The following NBAS variants were observed in gnomAD, a reference collection of about 807,000 sequenced individuals.
NBAS encodes the protein NBAS subunit of NRZ tethering complex, also known as NAG/BC035112 fusion.
NBAS carries 219 observed loss-of-function variants against 302.5 expected under a neutral mutation model. The observed-to-expected ratio is 0.72, with a 90% CI of 0.65 to 0.81. The LOEUF is 0.81. NBAS is among the 30% of genes least tolerant of loss of function. NBAS has a pLI of 0.00. For missense variants in NBAS, 2,932 were observed against 2,841.6 expected (o/e 1.03, Z -0.72); for synonymous variants, 1,118 against 1,021.6 (o/e 1.09, Z -1.80).
the NBAS span, among the ~76,000 whole-genome samples, chr2:14,849,035 G>A: frequency 6.6e-6 from 1 of 151,212 alleles, no homozygotes; most frequent in South Asian, 2.1e-4. Flanking sequence ...TCTTCCAAAG[G>A]AACGCAGTTC....
chr2:15,098,473 A>AATGTT, the NBAS span, among the ~76,000 whole-genome samples: 1 of 77,980 alleles, frequency 1.3e-5, no homozygotes, highest in African/African-American at 7.0e-5. Context: ...TATTGTATAT[A>AATGTT]ATATGTTATA....
the NBAS span, among the ~76,000 whole-genome samples, chr2:14,936,913 C>A: frequency 1.3e-5 from 2 of 152,128 alleles, no homozygotes; most frequent in Non-Finnish European, 2.9e-5. Context: ...AGGAGACTAC[C>A]TTTTGGAGAA....
the NBAS span, among the ~76,000 whole-genome samples, chr2:15,002,184 A>G: frequency 6.6e-6 from 1 of 152,040 alleles, no homozygotes; most frequent in Non-Finnish European, 1.5e-5. Flanking sequence ...ACAAACCCTG[A>G]GATAGACACA....
the NBAS span, among the ~76,000 whole-genome samples, chr2:15,147,624 G>A: frequency 6.6e-6 from 1 of 151,936 alleles, no homozygotes; most frequent in African/African-American, 2.4e-5. Flanking sequence ...ATTAAAAAAA[G>A]AGATGTTCCA....
the NBAS span, among the ~76,000 whole-genome samples, chr2:14,945,157 G>C: frequency 6.6e-6 from 1 of 152,182 alleles, no homozygotes; most frequent in Non-Finnish European, 1.5e-5. Flanking sequence ...GTTTCCAGCA[G>C]TGCAAGAATA....
chr2:15,111,352 T>A, the NBAS span, among the ~76,000 whole-genome samples: 2 of 152,060 alleles, frequency 1.3e-5, no homozygotes, highest in African/African-American at 4.8e-5. Context: ...ACCCCATGAA[T>A]CCCACATTGG....
chr2:15,019,672 A>T, the NBAS span, among the ~76,000 whole-genome samples: 1 of 152,098 alleles, frequency 6.6e-6, no homozygotes, highest in Non-Finnish European at 1.5e-5. Flanking sequence ...CTAACCACCA[A>T]TGTTATAATA....
the NBAS span, among the ~76,000 whole-genome samples, chr2:14,868,347 A>G: frequency 6.6e-6 from 1 of 152,182 alleles, no homozygotes; most frequent in African/African-American, 2.4e-5. Flanking sequence ...GGAAGTAATT[A>G]TTTTAATTTT....
intron 46 of NBAS, among the ~76,000 whole-genome samples, chr2:15,232,839 T>A (rs1339727536): frequency 6.6e-6 from 1 of 151,006 alleles, no homozygotes; most frequent in Non-Finnish European, 1.5e-5. Flanking sequence ...GTAATAATGA[T>A]TTAAATCCTC....
the NBAS span, among the ~76,000 whole-genome samples, chr2:15,105,624 G>A: frequency 2.6e-5 from 4 of 152,084 alleles, no homozygotes; most frequent in African/African-American, 4.8e-5. Flanking sequence ...AGAGCTCCCC[G>A]TGTGCCTGAG....
At chr2:15,178,901 T>A in intron 51 of NBAS, 87 bp downstream of exon 51, 1 of 1,567,926 alleles carries the variant, frequency 6.4e-7, no homozygotes, top group Non-Finnish European at 8.7e-7. Context: ...TTAACCACGG[T>A]GTTATTTATG....
At chr2:14,948,804 AAGGTGG>A in the NBAS span, among the ~76,000 whole-genome samples, 1 of 152,206 alleles carries the variant, frequency 6.6e-6, no homozygotes, top group Non-Finnish European at 1.5e-5. Context: ...AAAAAGAACA[AAGGTGG>A]AGGCATCACA....
chr2:15,302,504 T>C (rs1030023609), intron 40 of NBAS, among the ~76,000 whole-genome samples: 1 of 152,092 alleles, frequency 6.6e-6, no homozygotes, highest in African/African-American at 2.4e-5. Flanking sequence ...CTACCCTATG[T>C]TGTTGCACCC....
At chr2:15,201,116 C>T (rs574846821) in intron 48 of NBAS, among the ~76,000 whole-genome samples, 1 of 152,322 alleles carries the variant, frequency 6.6e-6, no homozygotes, top group South Asian at 2.1e-4. Flanking sequence ...GAATAGTAAT[C>T]ACCATACTCT....
the NBAS span, among the ~76,000 whole-genome samples, chr2:15,008,057 C>T: frequency 6.6e-6 from 1 of 152,328 alleles, no homozygotes; most frequent in Non-Finnish European, 1.5e-5. Context: ...AACCTGGACT[C>T]CCACTGACAA....
At chr2:15,026,351 G>A in the NBAS span, among the ~76,000 whole-genome samples, 3 of 44,138 alleles carry the variant, frequency 6.8e-5, 1 homozygote, top group African/African-American at 1.0e-4. Flanking sequence ...AGCTACTGGG[G>A]AGGCTGAGGC....
chr2:14,986,675 T>A, the NBAS span, among the ~76,000 whole-genome samples: 1 of 152,182 alleles, frequency 6.6e-6, no homozygotes, highest in Non-Finnish European at 1.5e-5. Context: ...ACTTGAAGTT[T>A]ATTTACTTGA....
At chr2:15,560,196 G>T (rs1664844996) in intron 1 of NBAS, among the ~76,000 whole-genome samples, 1 of 151,954 alleles carries the variant, frequency 6.6e-6, no homozygotes, top group South Asian at 2.1e-4. Flanking sequence ...ACAGTAACTG[G>T]CACGTGTTAA....
intron 9 of NBAS, among the ~76,000 whole-genome samples, chr2:15,516,722 CAAAAAAAAAAAA>C (rs67488599): frequency 3.7e-5 from 5 of 136,008 alleles, no homozygotes; most frequent in African/African-American, 5.4e-5. Context: ...GACTCCATTT[CAAAAAAAAAAAA>C]AAAAAAAAAG....
Sources: gnomAD v4.1 joint callset for allele counts (sites outside exome capture counted in the v4.1 genomes callset) on GRCh38, gnomAD v4.1.1 for gene constraint, MANE v1.5 for transcripts, NCBI Gene and HGNC (gene_info 2026-07-23, HGNC 2026-07-21) for gene names.